PLCG2: variants seen among roughly 807,000 people sequenced by gnomAD.
The protein encoded by PLCG2 is phospholipase C gamma 2, also known as 1-phosphatidylinositol 4,5-bisphosphate phosphodiesterase gamma-2.
A neutral mutation model predicts 175.6 loss-of-function variants in PLCG2; 69 were observed. That is an observed-to-expected ratio of 0.39 (90% CI 0.32 to 0.48). The LOEUF (loss-of-function observed/expected upper bound fraction) is 0.48. Among genes scored for constraint, PLCG2 ranks in the 20% least tolerant of loss-of-function variants. PLCG2 has a pLI of 0.91. For synonymous variants in PLCG2, 827 were observed against 624.0 expected, an observed-to-expected ratio of 1.33 and a Z score of -4.85; for missense variants, 1,798 against 1,650.9, an observed-to-expected ratio of 1.09 and a Z score of -1.54.
intron 16 of PLCG2, among the ~76,000 whole-genome samples, chr16:81,908,032 C>T (rs753900638): frequency 2.0e-5 from 3 of 152,186 alleles, no homozygotes; most frequent in East Asian, 1.9e-4. Flanking sequence ...AGATGGAGGC[C>T]GGTGCTCTGG....
At chr16:81,869,191 A>T (rs1176460050) in intron 5 of PLCG2, 23 bp from the exon 6 acceptor site, 1 of 1,597,798 alleles carries the variant, frequency 6.3e-7, no homozygotes, top group Non-Finnish European at 8.6e-7. Flanking sequence ...AAGGTGACAG[A>T]ACTGGGTCTC....
chr16:81,953,137 C>G lies in PLCG2; in HGVS notation c.3571-3558C>G, dbSNP rs1381948235. ...ACAAAATAACTGACTAGTATTCTTCCAAAGTGTCCTGAGGGAGGAATGAGG... is the reference window on the plus strand; with the variant it reads ...ACAAAATAACTGACTAGTATTCTTCGAAAGTGTCCTGAGGGAGGAATGAGG... On this transcript the variant is annotated intron_variant, in intron 31 of 32. Transcript: ENST00000564138. Among the ~76,000 whole-genome samples, 3 of 152,134 alleles carry G rather than the reference C, an allele frequency of 2.0e-5. No homozygotes were observed. The East Asian group carries it at 5.8e-4, about 29-fold the overall frequency.
intron 2 of PLCG2, among the ~76,000 whole-genome samples, chr16:81,831,091 TC>T (rs1905241801): frequency 2.0e-5 from 3 of 152,208 alleles, no homozygotes; most frequent in African/African-American, 7.2e-5. Context: ...TGGGGAGGCC[TC>T]CCTGATAACA....
intron 1 of PLCG2, among the ~76,000 whole-genome samples, chr16:81,754,083 C>T (rs1268469412): frequency 2.6e-5 from 4 of 152,030 alleles, no homozygotes; most frequent in Non-Finnish European, 4.4e-5. Context: ...GAAAGGACTT[C>T]GCTCCTTGGT....
At chr16:81,873,009 T>C (rs966775729) in intron 7 of PLCG2, among the ~76,000 whole-genome samples, 8 of 152,236 alleles carry the variant, frequency 5.3e-5, no homozygotes, top group Non-Finnish European at 4.4e-5. Flanking sequence ...CCATTTCCTA[T>C]CTGCCCAGAT....
intron 14 of PLCG2, among the ~76,000 whole-genome samples, chr16:81,901,449 A>C (rs1909147103): frequency 6.6e-6 from 1 of 152,232 alleles, no homozygotes; most frequent in South Asian, 2.1e-4. Context: ...TTTGAGCTCT[A>C]GCCCACAAGG....
intron 2 of PLCG2, among the ~76,000 whole-genome samples, chr16:81,817,533 T>C (rs1482927214): frequency 6.6e-6 from 1 of 152,250 alleles, no homozygotes; most frequent in Non-Finnish European, 1.5e-5. Context: ...TGCTACAGCT[T>C]CAGTAAACAC....
At position 81,753,394 on chromosome 16, in the gene PLCG2, A is replaced by G. The variant is rs542771287; in HGVS notation, c.-144-2476A>G. Among the ~76,000 whole-genome samples the G allele has an allele frequency of 3.9e-4, 57 of 147,866 alleles. 1 individual carries two copies. In the South Asian group the frequency reaches 0.012, roughly 32 times the overall value. On this transcript the variant is annotated intron_variant, in intron 1 of 5. Coordinates refer to the PLCG2 transcript ENST00000565054. ...ATTCTGGTTAAATATGTATAATATA[A>G]AATTTACCATTTTGACCATTTAATT...
chr16:81,931,000 A>C (rs1369364750), intron 24 of PLCG2, among the ~76,000 whole-genome samples: 1 of 152,242 alleles, frequency 6.6e-6, no homozygotes, highest in African/African-American at 2.4e-5. Context: ...TAATTGGTCA[A>C]CCAAAAAGAT....
At chr16:81,915,014 C>G (rs1909783791) in intron 19 of PLCG2, among the ~76,000 whole-genome samples, 1 of 152,200 alleles carries the variant, frequency 6.6e-6, no homozygotes, top group Non-Finnish European at 1.5e-5. Flanking sequence ...ATCCCTGCCC[C>G]AGGACACACA....
At position 81,900,790 on chromosome 16, in the gene PLCG2, C is replaced by T; in HGVS notation, c.1362+10C>T. 1 of 1,591,654 alleles carries T rather than the reference C, an allele frequency of 6.3e-7. No homozygotes were observed. Among genetic ancestry groups the T allele is most frequent in the Non-Finnish European group, 8.6e-7 (1 of 1,161,886 alleles). The stretch of plus-strand genomic sequence containing the variant: ...GAAGATCATCATCAAGGTAGGCACC[C>T]CGGGTGCTGCTGTTGGCTGTCCAGG... On this transcript the variant is annotated intron_variant, in intron 14 of 32. Coordinates refer to ENST00000564138, the MANE Select transcript of PLCG2 (RefSeq NM_002661.5).
chr16:81,860,226 AAAG>A lies in PLCG2; in HGVS notation c.479+1064_479+1066del, dbSNP rs113851485. Reference sequence around the variant, plus strand: ...CTTACCCAGACATTTTTTTTTAAAAAAAGCAAACGCAGTTTTGGTTTTTCTTTA... The same window carrying A: ...CTTACCCAGACATTTTTTTTTAAAAACAAACGCAGTTTTGGTTTTTCTTTA... On this transcript the variant is annotated intron_variant, in intron 5 of 32. Coordinates refer to ENST00000564138, the MANE Select transcript of PLCG2 (RefSeq NM_002661.5). Among the ~76,000 whole-genome samples the A allele has an allele frequency of 6.1e-5, 9 of 147,574 alleles. 1 individual carries two copies. The highest frequency in any genetic ancestry group is 2.0e-4 in the African/African-American group (8 of 40,416).
chr16:81,810,237 C>G (rs1904305829), intron 2 of PLCG2, among the ~76,000 whole-genome samples: 1 of 152,144 alleles, frequency 6.6e-6, no homozygotes, highest in Non-Finnish European at 1.5e-5. Context: ...TGGCATGCCT[C>G]AGCCTTCCGA....
chr16:81,926,476 T>C (rs889876123), intron 22 of PLCG2, among the ~76,000 whole-genome samples: 45 of 152,230 alleles, frequency 3.0e-4, no homozygotes, highest in Admixed American at 2.6e-3. Context: ...TGTCCCGTGT[T>C]GTTAGTGTTG....
chr16:81,761,541 G>A (rs992260657), intron 2 of PLCG2, among the ~76,000 whole-genome samples: 17 of 152,088 alleles, frequency 1.1e-4, no homozygotes, highest in African/African-American at 3.6e-4. Context: ...TCTTTCCCTC[G>A]GCTAGCCTTT....
At chr16:81,860,586 C>G (rs1399038532) in intron 5 of PLCG2, among the ~76,000 whole-genome samples, 1 of 152,096 alleles carries the variant, frequency 6.6e-6, no homozygotes, top group Non-Finnish European at 1.5e-5. Flanking sequence ...AGTGTTTTTG[C>G]TTAAACTTGC....
chr16:81,822,850 G>A (rs1904866319), intron 2 of PLCG2, among the ~76,000 whole-genome samples: 1 of 151,640 alleles, frequency 6.6e-6, no homozygotes, highest in Non-Finnish European at 1.5e-5. Context: ...TTGGAATGAT[G>A]TGCTTCAAAG....
chr16:81,918,898 CTTT>C (rs59461906), intron 19 of PLCG2, among the ~76,000 whole-genome samples: 8,744 of 150,370 alleles, frequency 0.058, 272 homozygotes, highest in African/African-American at 0.092. Context: ...AGACTTGTTT[CTTT>C]TTTTTTTTAA....
chr16:81,838,232 A>G (rs1178979339), intron 2 of PLCG2, among the ~76,000 whole-genome samples: 3 of 151,900 alleles, frequency 2.0e-5, no homozygotes, highest in Admixed American at 2.0e-4. Flanking sequence ...GACTGTAGGC[A>G]CCTGCCACCA....
Sources: allele counts gnomAD v4.1 joint callset (sites outside exome capture counted in the v4.1 genomes callset), GRCh38; gene constraint gnomAD v4.1.1; transcripts MANE v1.5; gene names NCBI Gene and HGNC (gene_info 2026-07-23, HGNC 2026-07-21).